SFI1: variants seen among roughly 807,000 people sequenced by gnomAD.
SFI1 encodes the protein SFI1 centrin binding protein.
In SFI1, 195 loss-of-function variants were observed where a neutral mutation model predicts 207.5. The ratio of observed to expected loss-of-function variants is 0.94; its 90% CI spans 0.84 to 1.06. The LOEUF (loss-of-function observed/expected upper bound fraction) is 1.06. SFI1 is among the 50% of genes least tolerant of loss of function. SFI1 has a pLI of 0.00. For synonymous variants in SFI1, 630 were observed against 598.9 expected (o/e 1.05, Z -0.76); for missense variants, 1,634 against 1,588.0 (o/e 1.03, Z -0.49).
In SFI1 at chr22:31,580,355, T is replaced by C. The variant is rs2063967221; in HGVS notation, c.1239T>C (p.His413=). The C allele has an allele frequency of 2.5e-6, 4 of 1,613,524 alleles. No homozygotes were observed. The highest frequency in any genetic ancestry group is 3.3e-5 in the Admixed American group (2 of 59,976). ...QIRRNLAHQQ[H]GVTLLHRFWN... ...GAAGGAATCTTGCTCACCAGCAGCA[T>C]GGTGTCACGGTGAGGGTTGTCTTCT... The change falls in exon 12 of 33, where the codon CAT becomes CAC. Residue 413 remains histidine, a synonymous_variant. Transcript: ENST00000400288.
chr22:31,614,059 C>T (rs2070897627), intron 27 of SFI1: 2 of 672,756 alleles, frequency 3.0e-6, no homozygotes, highest in African/African-American at 1.8e-5. Flanking sequence ...ATTTCCAAAC[C>T]CTCTCTCCTT....
At chr22:31,614,610 C>G (rs961030411) in intron 27 of SFI1, 179 bp from the exon 28 acceptor site, 1 of 723,220 alleles carries the variant, frequency 1.4e-6, no homozygotes, top group Admixed American at 2.0e-5. Context: ...GCGTCAGGTA[C>G]CTTTTGTCGG....
At chr22:31,603,869 G>C in intron 18 of SFI1, 50 bp downstream of exon 18, 1 of 1,536,488 alleles carries the variant, frequency 6.5e-7, no homozygotes, top group Non-Finnish European at 8.7e-7. Flanking sequence ...TGGACAGGTG[G>C]GCTGTGTGTC....
At chr22:31,563,668 C>T (rs58055951) in intron 8 of SFI1, among the ~76,000 whole-genome samples, 3,268 of 152,112 alleles carry the variant, frequency 0.021, 114 homozygotes, top group Admixed American at 0.08. Context: ...TCACTGCAAC[C>T]CCTGCCTCCC....
chr22:31,607,020 A>C (rs1373848559), intron 21 of SFI1, among the ~76,000 whole-genome samples: 1 of 151,562 alleles, frequency 6.6e-6, no homozygotes, highest in Non-Finnish European at 1.5e-5. Context: ...GCCGAATTGC[A>C]CCACTGCACT....
chr22:31,513,781 A>G (rs1464177570), intron 2 of SFI1, among the ~76,000 whole-genome samples: 1 of 151,524 alleles, frequency 6.6e-6, no homozygotes, highest in Non-Finnish European at 1.5e-5. Flanking sequence ...GGGTTTCACC[A>G]TGTTGATCAG....
At chr22:31,579,120 C>T (rs2146037689) in intron 11 of SFI1, among the ~76,000 whole-genome samples, 1 of 152,156 alleles carries the variant, frequency 6.6e-6, no homozygotes, top group South Asian at 2.1e-4. Context: ...CCACCAGGCC[C>T]AGTGTTGAGG....
intron 21 of SFI1, chr22:31,606,670 C>A (rs1453638240): frequency 2.5e-5 from 8 of 317,208 alleles, no homozygotes; most frequent in East Asian, 6.0e-5. Context: ...TAGTTCTTAT[C>A]AGAACCAGTA....
At chr22:31,581,593 C>G (rs778085920) in intron 12 of SFI1, among the ~76,000 whole-genome samples, 1 of 152,044 alleles carries the variant, frequency 6.6e-6, no homozygotes. Flanking sequence ...TGCCCGGCCC[C>G]AATAGGAGGC....
rs1343071540 is a variant in SFI1 at position 31,613,188 on chromosome 22, G to A, written c.2537G>A (p.Trp846Ter). The change falls in exon 25 of 33, where the codon TGG (tryptophan) becomes TAG (stop). Residue 846 changes from tryptophan to a stop codon, truncating the protein, a stop_gained. Transcript: ENST00000400288. LOFTEE classifies it high-confidence loss of function. Reference sequence around the variant, plus strand: ...CAGCGGGCGACAGTGCGGGCCCTGTGGTTCTGGGCCTTCTCGCTGCAGGCA... The same window carrying A: ...CAGCGGGCGACAGTGCGGGCCCTGTAGTTCTGGGCCTTCTCGCTGCAGGCA... ...QEQRATVRAL[W>*]FWAFSLQAKV... The A allele has an allele frequency of 6.2e-7, 1 of 1,613,838 alleles. No individual in the cohort carries two copies. The highest frequency in any genetic ancestry group is 2.2e-5 in the East Asian group (1 of 44,886).
At chr22:31,604,439 G>C (rs1385846712) in intron 19 of SFI1, 35 bp downstream of exon 19, 3 of 1,449,776 alleles carry the variant, frequency 2.1e-6, no homozygotes, top group Non-Finnish European at 2.7e-6. Context: ...ATCTTGCTGT[G>C]GGGACAGGGG....
At chr22:31,540,384 C>G (rs2059367657) in intron 4 of SFI1, among the ~76,000 whole-genome samples, 2 of 151,394 alleles carry the variant, frequency 1.3e-5, no homozygotes, top group South Asian at 2.1e-4. Context: ...CAGGTTCAAG[C>G]AATTCTTCTG....
chr22:31,541,011 C>T (rs780533435), intron 4 of SFI1, among the ~76,000 whole-genome samples: 2 of 152,108 alleles, frequency 1.3e-5, no homozygotes, highest in Non-Finnish European at 2.9e-5. Context: ...TCCTCTGGCT[C>T]GCCTCTCCGG....
At chr22:31,530,846 T>C in intron 3 of SFI1, 1 of 558,018 alleles carries the variant, frequency 1.8e-6, no homozygotes, top group South Asian at 2.2e-5. Flanking sequence ...ATGTTGAAAA[T>C]ATTTTTTAAA....
At chr22:31,501,395 TCTC>T (rs1309427395) in intron 1 of SFI1, among the ~76,000 whole-genome samples, 1 of 150,872 alleles carries the variant, frequency 6.6e-6, no homozygotes, top group Admixed American at 6.6e-5. Flanking sequence ...ATGGTCTCGA[TCTC>T]CTGACCTCAT....
At chr22:31,503,145 A>T (rs1041160589) in intron 1 of SFI1, among the ~76,000 whole-genome samples, 1 of 149,288 alleles carries the variant, frequency 6.7e-6, no homozygotes. Context: ...GCTTCACTTT[A>T]GGGTAATCTA....
At chr22:31,559,389 C>G in intron 7 of SFI1, 1 of 309,584 alleles carries the variant, frequency 3.2e-6, no homozygotes, top group Non-Finnish European at 6.3e-6. Context: ...TGCCACTCCA[C>G]TGCACCCTGG....
At chr22:31,527,388 A>G (rs748128340) in intron 2 of SFI1, among the ~76,000 whole-genome samples, 2 of 152,234 alleles carry the variant, frequency 1.3e-5, no homozygotes, top group African/African-American at 4.8e-5. Context: ...ATGTGGGAAC[A>G]GTCTGTTCGT....
At chr22:31,601,858 T>A (rs1004990233) in intron 15 of SFI1, among the ~76,000 whole-genome samples, 9 of 151,782 alleles carry the variant, frequency 5.9e-5, no homozygotes, top group Non-Finnish European at 1.0e-4. Context: ...AGTGGCGTGA[T>A]CATAGTTCAC....
Sources: gnomAD v4.1 joint callset for allele counts (sites outside exome capture counted in the v4.1 genomes callset) on GRCh38, gnomAD v4.1.1 for gene constraint, MANE v1.5 for transcripts, NCBI Gene and HGNC (gene_info 2026-07-23, HGNC 2026-07-21) for gene names.